Variants in TMEM217 observed in about 807,000 individuals in gnomAD.
TMEM217 encodes the protein transmembrane protein 217, also known as chromosome 6 open reading frame 128.
For synonymous variants in TMEM217, 76 were observed against 88.3 expected, an observed-to-expected ratio of 0.86 and a Z score of 0.78; for missense variants, 204 against 248.8, an observed-to-expected ratio of 0.82 and a Z score of 1.21.
chr6:37,228,288 G>A (rs555297724), intron 1 of TMEM217, among the ~76,000 whole-genome samples: 3 of 152,340 alleles, frequency 2.0e-5, no homozygotes, highest in African/African-American at 7.2e-5. Context: ...GTAGCAATTA[G>A]GACAGTGTCC....
chr6:37,218,206 G>C, exon 2 of TMEM217: 1 of 1,249,192 alleles, frequency 8.0e-7, no homozygotes, highest in Non-Finnish European at 1.0e-6. Context: ...GTCTTACTCT[G>C]TCACTCAGGC....
chr6:37,213,297 G>A (rs1266926934), downstream of TMEM217, among the ~76,000 whole-genome samples: 1 of 152,230 alleles, frequency 6.6e-6, no homozygotes, highest in Non-Finnish European at 1.5e-5. Context: ...TGTTGATGTA[G>A]GTTTGTGGGA....
chr6:37,213,062 A>G (rs1762996070), downstream of TMEM217: 2 of 1,055,868 alleles, frequency 1.9e-6, no homozygotes, highest in Non-Finnish European at 2.7e-6. Flanking sequence ...AAATCCCCCA[A>G]GTCACTAGAT....
rs377392580 is a variant in TMEM217, at chr6:37,246,893, A to G, written c.-12+10675T>C. 1.7e-3 allele frequency among the ~76,000 whole-genome samples: 182 copies of G among 105,754 alleles called. 1 individual carries two copies. Among genetic ancestry groups the G allele is most frequent in the African/African-American group, 5.9e-3 (172 of 29,224 alleles). The allele number at this position is 105,754 out of a possible 152,430, so 69.4% of individuals were successfully genotyped here. ...GTTCTAGCCTGGGCAACAGAGCAAG[A>G]CTCTGTCTCAAAAAAAAAAAAAAAA... On this transcript the variant is annotated intron_variant, in intron 1 of 1. Transcript: ENST00000357219.
At chr6:37,230,390 C>T (rs921191372) in intron 1 of TMEM217, among the ~76,000 whole-genome samples, 2 of 152,170 alleles carry the variant, frequency 1.3e-5, no homozygotes, top group South Asian at 2.1e-4. Flanking sequence ...TTGTGCCCCT[C>T]GTCACCAGGG....
chr6:37,249,483 A>C (rs61357257), intron 1 of TMEM217, among the ~76,000 whole-genome samples: 22,676 of 151,850 alleles, frequency 0.15, 1,906 homozygotes, highest in African/African-American at 0.23. Flanking sequence ...CCATGCCCAG[A>C]TAATTTTTTT....
At chr6:37,248,864 T>C (rs1396841446) in intron 1 of TMEM217, among the ~76,000 whole-genome samples, 1 of 152,162 alleles carries the variant, frequency 6.6e-6, no homozygotes, top group Non-Finnish European at 1.5e-5. Flanking sequence ...AGAAATTTGT[T>C]CTCTTAAGGT....
At chr6:37,214,084 C>T (rs1459291346), downstream of TMEM217, among the ~76,000 whole-genome samples, 2 of 152,244 alleles carry the variant, frequency 1.3e-5, no homozygotes, top group Admixed American at 6.5e-5. Context: ...CCTCTTCACT[C>T]ACTGGATCAA....
At chr6:37,216,742 G>C (rs767797961), downstream of TMEM217, among the ~76,000 whole-genome samples, 12 of 152,160 alleles carry the variant, frequency 7.9e-5, no homozygotes, top group Non-Finnish European at 1.6e-4. Context: ...AGCATTAAAA[G>C]ATGGGGCCTT....
At chr6:37,217,677 G>T in exon 2 of TMEM217, 1 of 985,178 alleles carries the variant, frequency 1.0e-6, no homozygotes, top group Non-Finnish European at 1.2e-6. Flanking sequence ...TTCTTATCTG[G>T]AATAAAACAG....
At chr6:37,217,668 T>G in exon 2 of TMEM217, 1 of 985,360 alleles carries the variant, frequency 1.0e-6, no homozygotes, top group Non-Finnish European at 1.2e-6. Context: ...TTATTCTTTT[T>G]CTTATCTGGA....
chr6:37,244,055 G>A (rs1255349116), intron 1 of TMEM217, among the ~76,000 whole-genome samples: 3 of 152,252 alleles, frequency 2.0e-5, no homozygotes, highest in Non-Finnish European at 1.5e-5. Flanking sequence ...CTCTGGAACA[G>A]TGGCTGGTTA....
chr6:37,248,028 T>C (rs1427863223), intron 1 of TMEM217, among the ~76,000 whole-genome samples: 1 of 152,178 alleles, frequency 6.6e-6, no homozygotes, highest in Non-Finnish European at 1.5e-5. Context: ...CATAGTTCCA[T>C]GTAGGTCTCA....
At chr6:37,249,827 G>A (rs1765303815) in intron 1 of TMEM217, among the ~76,000 whole-genome samples, 1 of 152,168 alleles carries the variant, frequency 6.6e-6, no homozygotes, top group African/African-American at 2.4e-5. Context: ...TGACCACTTT[G>A]AAAAACAGTT....
intron 1 of TMEM217, among the ~76,000 whole-genome samples, chr6:37,234,153 G>T (rs1260868593): frequency 1.3e-5 from 2 of 149,590 alleles, no homozygotes; most frequent in Non-Finnish European, 3.0e-5. Flanking sequence ...AGGATGGAGT[G>T]CAGTGGTGTG....
At chr6:37,222,226 G>A (rs1763562549) in intron 1 of TMEM217, among the ~76,000 whole-genome samples, 1 of 152,194 alleles carries the variant, frequency 6.6e-6, no homozygotes, top group Non-Finnish European at 1.5e-5. Flanking sequence ...CCTGGCCCCA[G>A]CCTTCAGGCT....
intron 1 of TMEM217, among the ~76,000 whole-genome samples, chr6:37,249,632 T>C (rs1358202657): frequency 6.6e-6 from 1 of 152,208 alleles, no homozygotes; most frequent in Non-Finnish European, 1.5e-5. Context: ...AAGGAAGATT[T>C]CTATGTGACT....
intron 1 of TMEM217, among the ~76,000 whole-genome samples, chr6:37,252,312 G>A (rs990400296): frequency 1.3e-5 from 2 of 152,162 alleles, no homozygotes; most frequent in South Asian, 4.1e-4. Context: ...ACAGCCCCGA[G>A]AGCTTATTTA....
downstream of TMEM217, chr6:37,215,157 AGCC>A (rs1186663518): frequency 6.2e-7 from 1 of 1,604,992 alleles, no homozygotes; most frequent in Non-Finnish European, 8.5e-7. Flanking sequence ...TTCTGCCGCT[AGCC>A]AAGGTCCTCT....
Sources: allele counts gnomAD v4.1 joint callset (sites outside exome capture counted in the v4.1 genomes callset), GRCh38; gene constraint gnomAD v4.1.1; transcripts MANE v1.5; gene names NCBI Gene and HGNC (gene_info 2026-07-23, HGNC 2026-07-21).